The following DLGAP1 variants were observed in gnomAD, a reference collection of about 807,000 sequenced individuals.
The protein encoded by DLGAP1 is DLG associated protein 1.
In DLGAP1, 11 loss-of-function variants were observed where a neutral mutation model predicts 90.8. That is an observed-to-expected ratio of 0.12 (90% CI 0.08 to 0.20). DLGAP1 has a LOEUF of 0.20. Ranked by LOEUF, DLGAP1 falls within the 10% of genes least tolerant of loss-of-function variation. DLGAP1 has a pLI of 1.00. For synonymous variants in DLGAP1, 558 were observed against 540.7 expected, an observed-to-expected ratio of 1.03 and a Z score of -0.44; for missense variants, 1,050 against 1,333.8, an observed-to-expected ratio of 0.79 and a Z score of 3.31.
In DLGAP1 at chr18:4,454,212, G is replaced by A. The variant is rs1206823165; in HGVS notation, c.-267+794C>T. 6.6e-6 allele frequency among the ~76,000 whole-genome samples: 1 copy of A among 152,190 alleles called. No homozygotes were observed. Among genetic ancestry groups the A allele is most frequent in the Non-Finnish European group, 1.5e-5 (1 of 68,034 alleles). On this transcript the variant is annotated intron_variant, in intron 1 of 12. Transcript: ENST00000315677. This position sits in a 1 kb window ranked among gnomAD's most constrained non-coding sequence, Gnocchi z 4.7. The stretch of plus-strand genomic sequence containing the variant: ...TCCGAAGGTGCCTCTCCCAGCTGCA[G>A]CCGCCCCTCAATGAAAGTGCAATGT...
At chr18:4,042,045 C>T (rs868589310) in intron 2 of DLGAP1, among the ~76,000 whole-genome samples, 24 of 152,124 alleles carry the variant, frequency 1.6e-4, no homozygotes, top group Admixed American at 5.2e-4. Context: ...ATGACATCCA[C>T]GTTTCTAAGA....
At chr18:3,566,219 G>A (rs2054420316) in intron 9 of DLGAP1, among the ~76,000 whole-genome samples, 1 of 152,084 alleles carries the variant, frequency 6.6e-6, no homozygotes, top group African/African-American at 2.4e-5. Context: ...AGCCCCAAGA[G>A]TGTGATTTTT....
At chr18:4,025,787 T>C (rs925980885) in intron 2 of DLGAP1, among the ~76,000 whole-genome samples, 2 of 152,172 alleles carry the variant, frequency 1.3e-5, no homozygotes, top group East Asian at 3.8e-4. Flanking sequence ...TATATACACA[T>C]ATATAAAATT....
intron 2 of DLGAP1, among the ~76,000 whole-genome samples, chr18:4,144,027 A>T (rs1261342582): frequency 6.6e-6 from 1 of 152,064 alleles, no homozygotes; most frequent in Non-Finnish European, 1.5e-5. Context: ...CCTCAAGCAG[A>T]GGGAAGAAGT....
chr18:3,790,784 G>A (rs972766713), intron 5 of DLGAP1, among the ~76,000 whole-genome samples: 5 of 152,148 alleles, frequency 3.3e-5, no homozygotes, highest in Admixed American at 3.3e-4. Context: ...CATTTGTGGC[G>A]GCAGGCAGTG....
intron 1 of DLGAP1, among the ~76,000 whole-genome samples, chr18:4,312,420 A>T (rs1425744522): frequency 1.3e-5 from 2 of 152,146 alleles, no homozygotes; most frequent in Non-Finnish European, 2.9e-5. Context: ...CACTTAAAAA[A>T]TTTTTCAATT....
chr18:4,240,134 G>C (rs1050410690), intron 1 of DLGAP1, among the ~76,000 whole-genome samples: 1 of 152,138 alleles, frequency 6.6e-6, no homozygotes, highest in African/African-American at 2.4e-5. Context: ...GATTCAAATA[G>C]TTGTTTTTAA....
intron 1 of DLGAP1, among the ~76,000 whole-genome samples, chr18:4,433,259 TGTAATAAG>T (rs2144767810): frequency 6.6e-6 from 1 of 152,366 alleles, no homozygotes; most frequent in Non-Finnish European, 1.5e-5. Flanking sequence ...TTTATTCATC[TGTAATAAG>T]GTGCCAGAAA....
intron 1 of DLGAP1, among the ~76,000 whole-genome samples, chr18:4,369,813 A>G: frequency 1.1e-5 from 1 of 92,488 alleles, no homozygotes; most frequent in African/African-American, 4.6e-5. Flanking sequence ...AGAAAGTCTT[A>G]GTAAAAAAAA....
chr18:3,789,847 A>T (rs1207427169), intron 5 of DLGAP1, among the ~76,000 whole-genome samples: 1 of 152,254 alleles, frequency 6.6e-6, no homozygotes, highest in African/African-American at 2.4e-5. Flanking sequence ...AACAATAAAA[A>T]GGAAATATCT....
At chr18:3,998,501 C>A (rs1021223184) in intron 3 of DLGAP1, among the ~76,000 whole-genome samples, 22 of 152,138 alleles carry the variant, frequency 1.4e-4, no homozygotes, top group Admixed American at 1.2e-3. Context: ...TCAGCTATTT[C>A]TTCAGGGAGC....
At chr18:3,864,847 A>C (rs901064100) in intron 4 of DLGAP1, among the ~76,000 whole-genome samples, 1 of 152,128 alleles carries the variant, frequency 6.6e-6, no homozygotes, top group Non-Finnish European at 1.5e-5. Context: ...CACTAATTCA[A>C]TTTTACTTTG....
chr18:4,099,627 G>T (rs901562148), intron 2 of DLGAP1, among the ~76,000 whole-genome samples: 9 of 151,914 alleles, frequency 5.9e-5, no homozygotes, highest in Non-Finnish European at 1.2e-4. Flanking sequence ...TTACCTCAAT[G>T]TTGGTGGCTG....
intron 2 of DLGAP1, among the ~76,000 whole-genome samples, chr18:4,075,636 G>T: frequency 6.6e-6 from 1 of 152,148 alleles, no homozygotes; most frequent in East Asian, 1.9e-4. Context: ...CTTAGAGACA[G>T]CTGGTTTTGT....
At chr18:4,341,313 C>T (rs1043613505) in intron 1 of DLGAP1, among the ~76,000 whole-genome samples, 1 of 151,976 alleles carries the variant, frequency 6.6e-6, no homozygotes, top group Non-Finnish European at 1.5e-5. Flanking sequence ...AAACAAAAAT[C>T]GCTTATGTAC....
intron 7 of DLGAP1, among the ~76,000 whole-genome samples, chr18:3,683,448 A>G (rs2060589446): frequency 3.3e-5 from 5 of 152,218 alleles, no homozygotes; most frequent in Admixed American, 3.3e-4. Context: ...CAGAGAAAAG[A>G]TTAGACTTAG....
chr18:4,078,151 G>C (rs1008105278), intron 2 of DLGAP1, among the ~76,000 whole-genome samples: 1 of 152,164 alleles, frequency 6.6e-6, no homozygotes, highest in East Asian at 1.9e-4. Context: ...AGTTTTAGCA[G>C]AGTTACAATG....
chr18:4,222,511 T>C (rs563710628), intron 1 of DLGAP1, among the ~76,000 whole-genome samples: 15 of 152,284 alleles, frequency 9.9e-5, no homozygotes, highest in Admixed American at 8.5e-4. Context: ...GGTGATTCAC[T>C]ATAGTTAGAC....
intron 1 of DLGAP1, among the ~76,000 whole-genome samples, chr18:4,297,696 T>C (rs890973171): frequency 1.3e-5 from 2 of 152,172 alleles, no homozygotes; most frequent in African/African-American, 4.8e-5. Flanking sequence ...CTCCTTTCTA[T>C]TCTCCGGATG....
Sources: gnomAD v4.1 joint callset for allele counts (sites outside exome capture counted in the v4.1 genomes callset) on GRCh38, gnomAD v4.1.1 for gene constraint, Gnocchi (gnomAD v3.1) non-coding constraint, MANE v1.5 for transcripts, NCBI Gene and HGNC (gene_info 2026-07-23, HGNC 2026-07-21) for gene names.